The following RAI1 variants were observed in gnomAD, a reference collection of about 807,000 sequenced individuals.
RAI1 encodes retinoic acid-induced protein 1.
RAI1 carries 9 observed loss-of-function variants against 123.8 expected under a neutral mutation model. The observed-to-expected ratio is 0.07, with a 90% CI of 0.04 to 0.13. The LOEUF (loss-of-function observed/expected upper bound fraction) is 0.13, where lower values mean the gene tolerates loss of function less well. Ranked by LOEUF, RAI1 falls within the 10% of genes least tolerant of loss-of-function variation. The pLI is 1.00. For synonymous variants in RAI1, 1,231 were observed against 1,127.3 expected (o/e 1.09, Z -1.84); for missense variants, 2,256 against 2,545.8 (o/e 0.89, Z 2.45).
At chr17:17,697,719 T>C (rs144309334) in intron 1 of RAI1, among the ~76,000 whole-genome samples, 1 of 152,292 alleles carries the variant, frequency 6.6e-6, no homozygotes, top group Non-Finnish European at 1.5e-5. Context: ...AGGGGGTTGC[T>C]GTTAGGTGGC....
intron 1 of RAI1, among the ~76,000 whole-genome samples, chr17:17,701,893 A>G (rs2142888677): frequency 6.6e-6 from 1 of 152,380 alleles, no homozygotes; most frequent in South Asian, 2.1e-4. Flanking sequence ...GGCAATGCTG[A>G]GAGCACAGAG....
chr17:17,751,857 A>T (rs541939853), intron 2 of RAI1, among the ~76,000 whole-genome samples: 48 of 152,272 alleles, frequency 3.2e-4, no homozygotes, highest in African/African-American at 1.1e-3. Context: ...GTCGCGGTGT[A>T]ACGCCCTGTA....
At chr17:17,700,559 C>T (rs1263935465) in intron 1 of RAI1, among the ~76,000 whole-genome samples, 1 of 152,120 alleles carries the variant, frequency 6.6e-6, no homozygotes, top group Non-Finnish European at 1.5e-5. Flanking sequence ...TGAGGCGCGG[C>T]CGGCCGCGGA....
In RAI1 at chr17:17,809,826, GCCGACGGC is replaced by G. The variant is rs1268952114; in HGVS notation, c.5710-142_5710-135del. The G allele has an allele frequency of 2.6e-3, 2,963 of 1,123,544 alleles. 11 individuals carry two copies. The Middle Eastern group carries it at 0.027, about 10-fold the overall frequency. 69.6% of individuals were successfully genotyped at this position (1,123,544 alleles called of 1,614,324 possible). On this transcript the variant is annotated intron_variant, in intron 5 of 5. Transcript: ENST00000353383. This position sits in a 1 kb window ranked among gnomAD's most constrained non-coding sequence, Gnocchi z 4.9. The stretch of plus-strand genomic sequence containing the variant: ...ACGGGGTGGGGCCAGAAGGGGTGGT[GCCGACGGC>G]CTCGGGCGGAGACCCCAGCCGCGCT...
intron 2 of RAI1, among the ~76,000 whole-genome samples, chr17:17,733,801 C>T (rs895034060): frequency 3.4e-4 from 51 of 152,056 alleles, no homozygotes; most frequent in African/African-American, 1.2e-3. Flanking sequence ...TGACAACGTG[C>T]GATAAAAGGG....
intron 1 of RAI1, among the ~76,000 whole-genome samples, chr17:17,686,694 T>C (rs1310791556): frequency 7.5e-6 from 1 of 133,150 alleles, no homozygotes; most frequent in African/African-American, 2.9e-5. Context: ...ACCTGGGGAG[T>C]GGTGAGCAGG....
chr17:17,747,934 G>T (rs1277795287), intron 2 of RAI1, among the ~76,000 whole-genome samples: 1 of 152,200 alleles, frequency 6.6e-6, no homozygotes, highest in Non-Finnish European at 1.5e-5. Flanking sequence ...GCATGGTGGA[G>T]TGTGCCTGTG....
intron 2 of RAI1, among the ~76,000 whole-genome samples, chr17:17,744,514 C>T (rs763161012): frequency 1.3e-5 from 2 of 152,150 alleles, no homozygotes; most frequent in Non-Finnish European, 2.9e-5. Flanking sequence ...GAAGGCCGGG[C>T]ACGGTGGGTG....
chr17:17,809,396 T>C lies in RAI1; in HGVS notation c.5666T>C (p.Ile1889Thr), dbSNP rs2032660216. The change falls in exon 5 of 6, where the codon ATA becomes ACA. Residue 1889 changes from isoleucine (I) to threonine (T), a missense_variant. Ile to Thr is a moderately conservative substitution (Grantham distance 89, BLOSUM62 -1). This residue lies in a region of RAI1 where 243 missense variants were observed against 316.6 expected (regional missense o/e 0.77). Coordinates refer to ENST00000353383, the MANE Select transcript of RAI1 (RefSeq NM_030665.4). This position sits in a 1 kb window ranked among gnomAD's most constrained non-coding sequence, Gnocchi z 4.9. ...AACTTCTCTTTGGTCACAGGTTGCA[T>C]ATTCATCGAAGAGAACTTTTCTTTG... ...HYPCASDAGC[I>T]FIEENFSLKC... 1.9e-6 allele frequency: 3 copies of C among 1,608,510 alleles called. No homozygotes were observed. The highest frequency in any genetic ancestry group is 2.6e-6 in the Non-Finnish European group (3 of 1,175,034).
At chr17:17,696,685 G>T (rs2142877311) in intron 1 of RAI1, among the ~76,000 whole-genome samples, 1 of 152,002 alleles carries the variant, frequency 6.6e-6, no homozygotes, top group East Asian at 1.9e-4. Flanking sequence ...TGCAGCTTGG[G>T]TCAGGGGGTC....
chr17:17,776,847 T>C (rs1329905192), intron 2 of RAI1: 1 of 151,754 alleles, frequency 6.6e-6, no homozygotes, highest in Non-Finnish European at 1.5e-5. Flanking sequence ...TTTTTTCTTG[T>C]AGAGGTAGGA....
intron 2 of RAI1, among the ~76,000 whole-genome samples, chr17:17,781,527 G>C (rs1012260328): frequency 5.3e-5 from 8 of 152,180 alleles, no homozygotes; most frequent in Non-Finnish European, 1.0e-4. Context: ...TTCCCTGACT[G>C]GGGGCGGAGG....
intron 2 of RAI1, among the ~76,000 whole-genome samples, chr17:17,734,638 C>G (rs1335042537): frequency 6.6e-6 from 1 of 152,238 alleles, no homozygotes; most frequent in Non-Finnish European, 1.5e-5. Flanking sequence ...AGAACTTCCA[C>G]TGCAGAGGTG....
chr17:17,784,839 G>A (rs1327523499), intron 2 of RAI1, among the ~76,000 whole-genome samples: 4 of 152,204 alleles, frequency 2.6e-5, no homozygotes, highest in Non-Finnish European at 4.4e-5. Flanking sequence ...TTGAGCTCGG[G>A]GAAGGCCCAG....
chr17:17,791,492 C>T (rs2032011896), intron 2 of RAI1, among the ~76,000 whole-genome samples: 1 of 152,226 alleles, frequency 6.6e-6, no homozygotes, highest in South Asian at 2.1e-4. Flanking sequence ...TTTGTCCCTT[C>T]CTGACCCCTT....
Position 17,810,835 on chromosome 17 carries a change from C to A in RAI1, c.*854C>A. The A allele has an allele frequency of 2.2e-6, 1 of 453,746 alleles. No individual in the cohort carries two copies. The highest frequency in any genetic ancestry group is 2.0e-5 in the African/African-American group (1 of 50,158). 28.1% of individuals were successfully genotyped at this position (453,746 alleles called of 1,614,324 possible). On this transcript the variant is annotated 3_prime_UTR_variant, in exon 6 of 6. Transcript: ENST00000353383. The surrounding 1 kb of genome is among the most constrained non-coding windows in gnomAD (Gnocchi z 4.6). ...CGGACGCGCGACCGTTGTGCACCAC[C>A]AGGGACCGCCGCGCCTACTCTGCAC... is the stretch of plus-strand genomic sequence containing the variant.
chr17:17,681,985 G>A (rs920488273), intron 1 of RAI1, among the ~76,000 whole-genome samples, 192 bp downstream of exon 1: 2 of 151,328 alleles, frequency 1.3e-5, no homozygotes, highest in African/African-American at 2.4e-5. Flanking sequence ...CGAGGTCACC[G>A]GATGGACGTC....
At chr17:17,786,127 C>A (rs1014174692) in intron 2 of RAI1, among the ~76,000 whole-genome samples, 3 of 152,194 alleles carry the variant, frequency 2.0e-5, no homozygotes, top group African/African-American at 7.2e-5. Flanking sequence ...CCCTCCCCCC[C>A]CACTTTATTT....
At chr17:17,724,572 C>T (rs994483113) in intron 2 of RAI1, among the ~76,000 whole-genome samples, 6 of 151,850 alleles carry the variant, frequency 4.0e-5, no homozygotes, top group African/African-American at 1.2e-4. Context: ...GATGGGGAGG[C>T]GAGAGATGCC....
Sources: allele counts gnomAD v4.1 joint callset (sites outside exome capture counted in the v4.1 genomes callset), GRCh38; gene constraint gnomAD v4.1.1; regional missense constraint gnomAD v4.1.1; non-coding constraint Gnocchi (gnomAD v3.1); transcripts MANE v1.5; gene names NCBI Gene and HGNC (gene_info 2026-07-23, HGNC 2026-07-21).